RNF11: variants seen among roughly 807,000 people sequenced by gnomAD.
RNF11 encodes ring finger protein 11.
In RNF11, 4 loss-of-function variants were observed where a neutral mutation model predicts 15.8. That is an observed-to-expected ratio of 0.25 (90% CI 0.12 to 0.58). The LOEUF is 0.58. Among genes scored for constraint, RNF11 ranks in the 20% least tolerant of loss-of-function variants. RNF11 has a pLI of 0.91. For synonymous variants in RNF11, 68 were observed against 72.3 expected (o/e 0.94, Z 0.30); for missense variants, 139 against 194.4 (o/e 0.71, Z 1.70).
intron 1 of RNF11, among the ~76,000 whole-genome samples, chr1:51,262,828 G>A (rs1646937092): frequency 6.7e-6 from 1 of 148,876 alleles, no homozygotes; most frequent in Non-Finnish European, 1.5e-5. Context: ...TCAGCCTCTC[G>A]AAGAAAATAC....
chr1:51,247,283 A>C (rs546048574), intron 1 of RNF11, among the ~76,000 whole-genome samples: 1 of 151,846 alleles, frequency 6.6e-6, no homozygotes, highest in African/African-American at 2.4e-5. Context: ...AGGTATGATC[A>C]TAGCACACTA....
intron 2 of RNF11, 128 bp downstream of exon 2, chr1:51,270,253 G>T (rs189324176): frequency 3.0e-6 from 2 of 671,468 alleles, no homozygotes; most frequent in Admixed American, 6.4e-5. Flanking sequence ...TAATGCAAGA[G>T]AATGTTTAAT....
chr1:51,257,852 T>C (rs1557680765), intron 1 of RNF11, among the ~76,000 whole-genome samples: 1 of 134,748 alleles, frequency 7.4e-6, no homozygotes, highest in Non-Finnish European at 1.6e-5. Flanking sequence ...TCTTTTCTTT[T>C]CTTTTTTTTT....
intron 1 of RNF11, among the ~76,000 whole-genome samples, chr1:51,240,385 C>T (rs1314843719): frequency 6.6e-6 from 1 of 152,168 alleles, no homozygotes; most frequent in African/African-American, 2.4e-5. Flanking sequence ...TAAACCTTCT[C>T]TGACCACCCT....
intron 1 of RNF11, among the ~76,000 whole-genome samples, chr1:51,264,276 A>G (rs1487969413): frequency 1.0e-5 from 1 of 95,692 alleles, no homozygotes; most frequent in Non-Finnish European, 2.0e-5. Flanking sequence ...AAAAAAAAAA[A>G]AAAAAAAAAA....
intron 1 of RNF11, among the ~76,000 whole-genome samples, chr1:51,269,532 A>G (rs762801875): frequency 3.3e-5 from 5 of 152,242 alleles, no homozygotes; most frequent in Admixed American, 2.0e-4. Context: ...AGTATTGTCA[A>G]TTAGTGACTG....
chr1:51,248,623 A>G (rs909389947), intron 1 of RNF11, among the ~76,000 whole-genome samples: 3 of 152,216 alleles, frequency 2.0e-5, no homozygotes, highest in East Asian at 3.8e-4. Context: ...TTATGAGGTC[A>G]GCATGAAATA....
chr1:51,267,245 A>G (rs975221993), intron 1 of RNF11, among the ~76,000 whole-genome samples: 24 of 152,156 alleles, frequency 1.6e-4, no homozygotes, highest in African/African-American at 5.6e-4. Context: ...AGGCTAATCA[A>G]AATATTTATT....
At position 51,251,455 on chromosome 1, in the gene RNF11, A is replaced by G. The variant is rs1646878057; in HGVS notation, c.123+14576A>G. ...GGGCCTCCGGGCCCCCCCCCGCTGC[A>G]CTGGTGTCATCCACCATTTGGTGTT... On this transcript the variant is annotated intron_variant, in intron 1 of 2. Coordinates refer to ENST00000242719, the MANE Select transcript of RNF11 (RefSeq NM_014372.5). 40 of 694,330 alleles carry G rather than the reference A, an allele frequency of 5.8e-5. 1 individual carries two copies. In the South Asian group the frequency reaches 6.7e-4, roughly 12 times the overall value. The allele number at this position is 694,330 out of a possible 1,614,324, so 43.0% of individuals were successfully genotyped here. A position where few individuals can be genotyped will look rare whatever the true frequency, so the allele number is the denominator to read the frequency against.
intron 1 of RNF11, among the ~76,000 whole-genome samples, chr1:51,254,663 A>G (rs970320912): frequency 2.0e-4 from 31 of 152,044 alleles, no homozygotes; most frequent in Non-Finnish European, 1.2e-4. Context: ...GGATTTCACT[A>G]TGTTGGCCAG....
chr1:51,237,099 G>C (rs1332656238), intron 1 of RNF11, among the ~76,000 whole-genome samples: 3 of 152,112 alleles, frequency 2.0e-5, no homozygotes, highest in African/African-American at 7.2e-5. Context: ...CTCTGCCCTT[G>C]AGTTCTGGGA....
chr1:51,270,497 C>G (rs1460492518), intron 2 of RNF11, among the ~76,000 whole-genome samples: 1 of 152,158 alleles, frequency 6.6e-6, no homozygotes, highest in Non-Finnish European at 1.5e-5. Context: ...CCTGTAATCC[C>G]AACCACTTGG....
intron 1 of RNF11, among the ~76,000 whole-genome samples, chr1:51,239,241 T>C (rs1646818477): frequency 6.6e-6 from 1 of 152,198 alleles, no homozygotes; most frequent in Admixed American, 6.5e-5. Flanking sequence ...TTAAAGGTAC[T>C]AGAATTTATG....
intron 1 of RNF11, among the ~76,000 whole-genome samples, chr1:51,264,309 TATATATATACAC>T (rs1223811621): frequency 2.9e-5 from 3 of 102,642 alleles, no homozygotes; most frequent in African/African-American, 1.3e-4. Flanking sequence ...TATATATATA[TATATATATACAC>T]ACACACACAC....
chr1:51,251,088 C>A (rs1236594780), intron 1 of RNF11: 1 of 1,551,284 alleles, frequency 6.4e-7, no homozygotes, highest in Non-Finnish European at 8.8e-7. Context: ...ATTGTAGTCC[C>A]CGATAGCAAC....
chr1:51,260,876 A>G (rs751433341), intron 1 of RNF11, among the ~76,000 whole-genome samples: 2 of 152,204 alleles, frequency 1.3e-5, no homozygotes, highest in African/African-American at 4.8e-5. Context: ...TGAATAAACT[A>G]TTCTGGGGTT....
chr1:51,255,827 A>G (rs753071784), intron 1 of RNF11, among the ~76,000 whole-genome samples: 18 of 152,266 alleles, frequency 1.2e-4, no homozygotes, highest in Middle Eastern at 3.4e-3. Context: ...CCATTGGTCT[A>G]TATGTCTGTC....
At chr1:51,263,931 C>T (rs987616753) in intron 1 of RNF11, among the ~76,000 whole-genome samples, 1 of 151,966 alleles carries the variant, frequency 6.6e-6, no homozygotes, top group East Asian at 1.9e-4. Flanking sequence ...TTCACCTTAT[C>T]GTGATACTGT....
intron 1 of RNF11, among the ~76,000 whole-genome samples, chr1:51,251,791 A>T (rs750910661): frequency 1.3e-5 from 2 of 152,104 alleles, no homozygotes; most frequent in Non-Finnish European, 2.9e-5. Flanking sequence ...CAAAAGAATT[A>T]GCTGGAGCCG....
Sources: allele counts gnomAD v4.1 joint callset (sites outside exome capture counted in the v4.1 genomes callset), GRCh38; gene constraint gnomAD v4.1.1; transcripts MANE v1.5; gene names NCBI Gene and HGNC (gene_info 2026-07-23, HGNC 2026-07-21).